Variants in LTBP1 observed in about 807,000 individuals in gnomAD.
The protein encoded by LTBP1 is latent-transforming growth factor beta-binding protein 1.
LTBP1 carries 129 observed loss-of-function variants against 207.6 expected under a neutral mutation model. That is an observed-to-expected ratio of 0.62 (90% confidence interval 0.54 to 0.72). LTBP1 has a LOEUF of 0.72. Among genes scored for constraint, LTBP1 ranks in the 30% least tolerant of loss-of-function variants. The probability of loss-of-function intolerance (pLI) is 0.00; values close to 1 mark genes in which losing one functional copy is unlikely to be tolerated. For synonymous variants in LTBP1, 963 were observed against 833.7 expected (o/e 1.16, Z -2.67); for missense variants, 2,281 against 2,217.2 (o/e 1.03, Z -0.58).
At chr2:33,325,166 C>T (rs944727260) in intron 24 of LTBP1, among the ~76,000 whole-genome samples, 3 of 152,132 alleles carry the variant, frequency 2.0e-5, no homozygotes, top group African/African-American at 7.2e-5. Flanking sequence ...AAGTCATTCC[C>T]TGTATCAAGG....
At chr2:33,069,253 C>A (rs2077664847) in intron 3 of LTBP1, among the ~76,000 whole-genome samples, 1 of 152,102 alleles carries the variant, frequency 6.6e-6, no homozygotes, top group Non-Finnish European at 1.5e-5. Context: ...GAGAAAGATG[C>A]CCCTGGCTCT....
chr2:33,101,684 G>A (rs983308484), intron 3 of LTBP1, among the ~76,000 whole-genome samples: 2 of 151,976 alleles, frequency 1.3e-5, no homozygotes, highest in Admixed American at 6.6e-5. Flanking sequence ...TTTTTGGATT[G>A]TATTAGTTAG....
chr2:33,277,823 T>TCTCTCTCTCTCTCTCTCTCTC (rs1320310239), intron 18 of LTBP1, among the ~76,000 whole-genome samples: 2 of 83,492 alleles, frequency 2.4e-5, no homozygotes, highest in Admixed American at 1.3e-4. Flanking sequence ...TTTTCTTTCT[T>TCTCTCTCTCTCTCTCTCTCTC]TCTTTCTTTT....
intron 26 of LTBP1, among the ~76,000 whole-genome samples, chr2:33,351,740 C>T (rs1418750829): frequency 1.3e-5 from 2 of 152,132 alleles, no homozygotes; most frequent in African/African-American, 2.4e-5. Flanking sequence ...TTCATCTTTT[C>T]CCCCGTCTTT....
At chr2:33,188,397 A>C (rs1268561413) in intron 6 of LTBP1, among the ~76,000 whole-genome samples, 180 bp from the exon 7 acceptor site, 1 of 130,168 alleles carries the variant, frequency 7.7e-6, no homozygotes, top group Non-Finnish European at 1.6e-5. Flanking sequence ...ATTGCACATC[A>C]GCCTGGGTGA....
intron 31 of LTBP1, among the ~76,000 whole-genome samples, chr2:33,388,719 G>A (rs2095288929): frequency 6.6e-6 from 1 of 152,162 alleles, no homozygotes; most frequent in Non-Finnish European, 1.5e-5. Context: ...ATCCTTGCCT[G>A]GTGCTGTATC....
chr2:33,023,159 G>T (rs150150039), intron 3 of LTBP1, among the ~76,000 whole-genome samples: 1 of 152,156 alleles, frequency 6.6e-6, no homozygotes, highest in Non-Finnish European at 1.5e-5. Context: ...AAACAATTCT[G>T]TGTTGAACTA....
intron 2 of LTBP1, among the ~76,000 whole-genome samples, chr2:32,974,761 G>A (rs994107706): frequency 3.9e-5 from 6 of 152,198 alleles, no homozygotes; most frequent in East Asian, 1.9e-4. Flanking sequence ...TTTAGTCTAC[G>A]GATGTCATTT....
At chr2:33,224,587 C>T (rs942758892) in intron 9 of LTBP1, among the ~76,000 whole-genome samples, 12 of 152,232 alleles carry the variant, frequency 7.9e-5, no homozygotes, top group African/African-American at 2.6e-4. Context: ...GAAAGTGTTT[C>T]GGTTATGGAG....
At position 33,187,019 on chromosome 2, in the gene LTBP1, G is replaced by A. The variant is rs770308014; in HGVS notation, c.1365G>A (p.Thr455=). 19 of 1,614,026 alleles carry A rather than the reference G, an allele frequency of 1.2e-5. No homozygotes were observed. Among genetic ancestry groups the A allele is most frequent in the Admixed American group, 6.7e-5 (4 of 60,002 alleles). The change falls in exon 6 of 34, where the codon ACG becomes ACA. Residue 455 remains threonine, a synonymous_variant. Coordinates refer to ENST00000404816, the MANE Select transcript of LTBP1 (RefSeq NM_206943.4). ...HSQQPGKALG[T]HVIHSTHTLP... is the part of the protein sequence containing the mutation. ...AGCAGCCAGGCAAGGCGTTGGGGAC[G>A]CATGTCATCCATTCAACACATACCT...
intron 3 of LTBP1, among the ~76,000 whole-genome samples, chr2:33,096,191 G>T (rs912971032): frequency 6.6e-6 from 1 of 152,012 alleles, no homozygotes; most frequent in African/African-American, 2.4e-5. Flanking sequence ...CTTCTCATCA[G>T]GTACAAAGTA....
At chr2:33,309,352 G>T in intron 22 of LTBP1, 82 bp from the exon 23 acceptor site, 4 of 843,998 alleles carry the variant, frequency 4.7e-6, no homozygotes, top group South Asian at 1.7e-5. Context: ...GTAAAATAGT[G>T]TACCTTTACA....
chr2:33,384,533 C>A (rs916497329), intron 31 of LTBP1, among the ~76,000 whole-genome samples: 1 of 152,174 alleles, frequency 6.6e-6, no homozygotes, highest in Non-Finnish European at 1.5e-5. Flanking sequence ...CAGGGCAAGC[C>A]CTGCTAAGCA....
In LTBP1 at chr2:32,954,266, A is replaced by T. The variant is rs1002963089; in HGVS notation, c.565+5321A>T. On this transcript the variant is annotated intron_variant, in intron 2 of 33. Coordinates refer to ENST00000404816, the MANE Select transcript of LTBP1 (RefSeq NM_206943.4). ...ACTTCACATCATGATTTTCCAAGCT[A>T]TGTGAGTTTTCTCGGGCTTCTGTAA... is the stretch of plus-strand genomic sequence containing the variant. Among the ~76,000 whole-genome samples the T allele has an allele frequency of 3.3e-5, 5 of 152,302 alleles. No individual in the cohort carries two copies. In the South Asian group the frequency reaches 6.2e-4, roughly 19 times the overall value.
intron 22 of LTBP1, among the ~76,000 whole-genome samples, chr2:33,305,402 G>C (rs111892708): frequency 6.9e-4 from 104 of 151,736 alleles, no homozygotes; most frequent in African/African-American, 2.5e-3. Context: ...AATAGAGCGG[G>C]GTATATGGGG....
intron 5 of LTBP1, among the ~76,000 whole-genome samples, chr2:33,141,684 A>G (rs1328941247): frequency 6.6e-6 from 1 of 152,244 alleles, no homozygotes; most frequent in East Asian, 1.9e-4. Flanking sequence ...TGGAGCAGGG[A>G]CCTGATGAAG....
At chr2:33,240,178 A>C (rs72858071) in intron 9 of LTBP1, among the ~76,000 whole-genome samples, 4,739 of 152,296 alleles carry the variant, frequency 0.031, 97 homozygotes, top group African/African-American at 0.057. Context: ...ACAGTTGTTA[A>C]GTCTAAATAG....
chr2:33,209,161 C>T (rs1203067325), intron 7 of LTBP1, among the ~76,000 whole-genome samples: 1 of 152,142 alleles, frequency 6.6e-6, no homozygotes, highest in African/African-American at 2.4e-5. Flanking sequence ...GTGTGAGCCA[C>T]CGCACCTGGC....
intron 2 of LTBP1, among the ~76,000 whole-genome samples, chr2:33,011,230 G>T (rs1015108964): frequency 2.0e-5 from 3 of 152,136 alleles, no homozygotes; most frequent in Admixed American, 6.5e-5. Context: ...TGGCATGTAG[G>T]AGTGGGCTTG....
Sources: gnomAD v4.1 joint callset for allele counts (sites outside exome capture counted in the v4.1 genomes callset) on GRCh38, gnomAD v4.1.1 for gene constraint, MANE v1.5 for transcripts, NCBI Gene and HGNC (gene_info 2026-07-23, HGNC 2026-07-21) for gene names.